Variants in HS3ST4 observed in about 807,000 individuals in gnomAD.
HS3ST4 encodes the protein heparan sulfate glucosamine 3-O-sulfotransferase 4.
A neutral mutation model predicts 29.2 loss-of-function variants in HS3ST4; 17 were observed. That is an observed-to-expected ratio of 0.58 (90% CI 0.40 to 0.87). The LOEUF is 0.87. Ranked by LOEUF, HS3ST4 falls within the 40% of genes least tolerant of loss-of-function variation. The pLI is 0.00. For synonymous variants in HS3ST4, 314 were observed against 285.7 expected (o/e 1.10, Z -1.00); for missense variants, 627 against 634.5 (o/e 0.99, Z 0.13).
intron 1 of HS3ST4, among the ~76,000 whole-genome samples, chr16:25,859,153 A>G (rs1016692672): frequency 2.0e-5 from 3 of 152,188 alleles, no homozygotes; most frequent in Non-Finnish European, 4.4e-5. Flanking sequence ...ATATGAATTC[A>G]GTCCTCTCTG....
intron 1 of HS3ST4, among the ~76,000 whole-genome samples, chr16:25,746,555 G>GTTT (rs60752235): frequency 7.0e-6 from 1 of 143,664 alleles, no homozygotes; most frequent in Non-Finnish European, 1.5e-5. Context: ...CAATTGGTTG[G>GTTT]TTTTTTTTTT....
intron 1 of HS3ST4, among the ~76,000 whole-genome samples, chr16:25,963,804 G>A (rs1034277644): frequency 6.6e-6 from 1 of 152,190 alleles, no homozygotes; most frequent in Non-Finnish European, 1.5e-5. Flanking sequence ...GCCAGGAGAT[G>A]TGGTGTCCAT....
At chr16:25,995,270 G>T (rs111866691) in intron 1 of HS3ST4, among the ~76,000 whole-genome samples, 19 of 152,290 alleles carry the variant, frequency 1.2e-4, no homozygotes, top group African/African-American at 4.6e-4. Context: ...GTAAATAAGA[G>T]AATGTATTGG....
intron 1 of HS3ST4, among the ~76,000 whole-genome samples, chr16:25,855,152 A>G (rs1290153917): frequency 6.6e-6 from 1 of 152,104 alleles, no homozygotes; most frequent in African/African-American, 2.4e-5. Flanking sequence ...GGATTGAAAG[A>G]TTTTCTGATT....
At chr16:25,703,589 T>C (rs1966351774) in intron 1 of HS3ST4, among the ~76,000 whole-genome samples, 1 of 152,222 alleles carries the variant, frequency 6.6e-6, no homozygotes, top group Non-Finnish European at 1.5e-5. Flanking sequence ...AGTGGTGTCT[T>C]CCAGCCTCAT....
chr16:25,947,332 CTTG>C (rs1028862916), intron 1 of HS3ST4, among the ~76,000 whole-genome samples: 1 of 152,146 alleles, frequency 6.6e-6, no homozygotes, highest in Non-Finnish European at 1.5e-5. Flanking sequence ...AGTCTAACAA[CTTG>C]TTGTATTAGT....
intron 1 of HS3ST4, among the ~76,000 whole-genome samples, chr16:25,826,742 G>A (rs1252240789): frequency 2.0e-5 from 3 of 152,172 alleles, no homozygotes; most frequent in African/African-American, 7.2e-5. Context: ...AGGGATAGGA[G>A]CCTGTGGCTG....
At chr16:25,910,015 G>A (rs1320096776) in intron 1 of HS3ST4, among the ~76,000 whole-genome samples, 1 of 152,144 alleles carries the variant, frequency 6.6e-6, no homozygotes, top group Non-Finnish European at 1.5e-5. Flanking sequence ...TCAGGCAGGA[G>A]CCACTGTACC....
At chr16:26,011,328 G>A (rs1228724489) in intron 1 of HS3ST4, among the ~76,000 whole-genome samples, 2 of 152,186 alleles carry the variant, frequency 1.3e-5, no homozygotes, top group Non-Finnish European at 2.9e-5. Context: ...GGGTGGCCAA[G>A]GCAGGCAGAT....
chr16:26,117,416 C>G (rs1899215148), intron 1 of HS3ST4, among the ~76,000 whole-genome samples: 3 of 152,222 alleles, frequency 2.0e-5, no homozygotes, highest in African/African-American at 4.8e-5. Context: ...TGACTTGTAA[C>G]TTGCCTTCTA....
At chr16:25,768,057 A>G (rs13331544) in intron 1 of HS3ST4, among the ~76,000 whole-genome samples, 56,298 of 151,896 alleles carry the variant, frequency 0.37, 10,786 homozygotes, top group Middle Eastern at 0.47. Flanking sequence ...GTGGCAGGGG[A>G]GTGCGGGGGA....
chr16:25,971,651 CG>C (rs1968900271), intron 1 of HS3ST4, among the ~76,000 whole-genome samples: 1 of 152,170 alleles, frequency 6.6e-6, no homozygotes, highest in Non-Finnish European at 1.5e-5. Flanking sequence ...CTGGGCAGGG[CG>C]TGGTGGCTCA....
chr16:25,776,845 T>C (rs1353188630), intron 1 of HS3ST4, among the ~76,000 whole-genome samples: 3 of 152,258 alleles, frequency 2.0e-5, no homozygotes, highest in Admixed American at 6.5e-5. Context: ...GTATCATTTC[T>C]AAGTTTCTAC....
intron 1 of HS3ST4, among the ~76,000 whole-genome samples, chr16:25,997,035 G>A (rs1254399995): frequency 1.3e-5 from 2 of 152,026 alleles, no homozygotes; most frequent in African/African-American, 4.8e-5. Context: ...TTTCTAGCTA[G>A]TGAGTGCTTG....
chr16:25,798,104 C>A (rs1368014360), intron 1 of HS3ST4, among the ~76,000 whole-genome samples: 1 of 152,138 alleles, frequency 6.6e-6, no homozygotes, highest in African/African-American at 2.4e-5. Context: ...GTCATCATAT[C>A]TCAAAGGGAG....
chr16:25,970,675 A>G (rs1279524867), intron 1 of HS3ST4, among the ~76,000 whole-genome samples: 3 of 151,554 alleles, frequency 2.0e-5, no homozygotes, highest in East Asian at 3.9e-4. Context: ...TGCCTGGCTA[A>G]GTTTTTAATT....
At chr16:25,817,674 A>T (rs1967107646) in intron 1 of HS3ST4, among the ~76,000 whole-genome samples, 1 of 152,104 alleles carries the variant, frequency 6.6e-6, no homozygotes, top group Admixed American at 6.6e-5. Flanking sequence ...TAAAAATGGG[A>T]TTATATTTTG....
rs531398473 is a variant in HS3ST4 at position 25,739,763 on chromosome 16, A to T, written c.734+46612A>T. ...AGATGATGATGTTGGTTATTGAAAGATGTCCTTTCCACTTAAGCTTTCTTT... is the reference window on the plus strand; with the variant it reads ...AGATGATGATGTTGGTTATTGAAAGTTGTCCTTTCCACTTAAGCTTTCTTT... On this transcript the variant is annotated intron_variant, in intron 1 of 1. Coordinates refer to ENST00000331351, the MANE Select transcript of HS3ST4 (RefSeq NM_006040.3). Among the ~76,000 whole-genome samples, 8 of 152,334 alleles carry T rather than the reference A, an allele frequency of 5.3e-5. No homozygotes were observed. In the South Asian group the frequency reaches 1.7e-3, roughly 32 times the overall value.
At chr16:26,132,842 G>A (rs1899438212) in intron 1 of HS3ST4, among the ~76,000 whole-genome samples, 1 of 152,148 alleles carries the variant, frequency 6.6e-6, no homozygotes, top group Non-Finnish European at 1.5e-5. Flanking sequence ...TATAAAAATA[G>A]CTATTTTCAG....
Sources: gnomAD v4.1 joint callset for allele counts (sites outside exome capture counted in the v4.1 genomes callset) on GRCh38, gnomAD v4.1.1 for gene constraint, MANE v1.5 for transcripts, NCBI Gene and HGNC (gene_info 2026-07-23, HGNC 2026-07-21) for gene names.